Variants in MOXD1 observed in about 807,000 individuals in gnomAD.
MOXD1 encodes DBH-like monooxygenase protein 1.
MOXD1 carries 62 observed loss-of-function variants against 66.6 expected under a neutral mutation model. That is an observed-to-expected ratio of 0.93 (90% CI 0.76 to 1.15). MOXD1 has a LOEUF of 1.15. MOXD1 is among the 50% of genes most tolerant of loss of function. MOXD1 has a pLI of 0.00. For synonymous variants in MOXD1, 303 were observed against 281.9 expected, an observed-to-expected ratio of 1.07 and a Z score of -0.75; for missense variants, 847 against 754.6, an observed-to-expected ratio of 1.12 and a Z score of -1.44.
At chr6:132,366,393 T>C (rs1041398900) in intron 4 of MOXD1, among the ~76,000 whole-genome samples, 3 of 151,832 alleles carry the variant, frequency 2.0e-5, no homozygotes, top group Non-Finnish European at 4.4e-5. Context: ...GTCTCCCATA[T>C]GAAAAAGTGA....
At chr6:132,354,597 G>C (rs557060734) in intron 4 of MOXD1, among the ~76,000 whole-genome samples, 27 of 152,206 alleles carry the variant, frequency 1.8e-4, no homozygotes, top group Non-Finnish European at 3.7e-4. Flanking sequence ...TCTTACCTTT[G>C]GTGATTTAAA....
chr6:132,349,406 CAT>C (rs539329852), intron 4 of MOXD1, among the ~76,000 whole-genome samples: 48,991 of 71,888 alleles, frequency 0.68, 17,206 homozygotes, highest in South Asian at 0.77. Flanking sequence ...CATATATATA[CAT>C]ATATATATAT....
intron 11 of MOXD1, among the ~76,000 whole-genome samples, 200 bp from the exon 12 acceptor site, chr6:132,297,517 T>TACAAAGCAG (rs575739143): frequency 1.4e-3 from 217 of 152,230 alleles, no homozygotes; most frequent in African/African-American, 5.0e-3. Context: ...TGGAAAAGAA[T>TACAAAGCAG]ACAAAGCAGG....
chr6:132,305,305 G>A (rs992852924), intron 10 of MOXD1, among the ~76,000 whole-genome samples: 1 of 152,198 alleles, frequency 6.6e-6, no homozygotes, highest in Non-Finnish European at 1.5e-5. Flanking sequence ...TCACTGGGTG[G>A]GGCTTCCCTG....
At chr6:132,349,443 A>ACCACAGTTTCTT in intron 4 of MOXD1, among the ~76,000 whole-genome samples, 1 of 57,188 alleles carries the variant, frequency 1.7e-5, no homozygotes, top group African/African-American at 1.4e-4. Flanking sequence ...ATACATATAT[A>ACCACAGTTTCTT]TATATATACA....
At chr6:132,333,742 C>G (rs1582577812) in intron 4 of MOXD1, among the ~76,000 whole-genome samples, 1 of 152,136 alleles carries the variant, frequency 6.6e-6, no homozygotes, top group Non-Finnish European at 1.5e-5. Context: ...GGTGTACAGA[C>G]CCAGAATGGT....
At chr6:132,383,219 A>G (rs1459915059) in intron 1 of MOXD1, among the ~76,000 whole-genome samples, 1 of 152,224 alleles carries the variant, frequency 6.6e-6, no homozygotes, top group African/African-American at 2.4e-5. Flanking sequence ...GTATAATAAT[A>G]AATATTTTGT....
chr6:132,385,461 AATTATTATTATTATTATTATT>A (rs71030795), intron 1 of MOXD1, among the ~76,000 whole-genome samples: 6,148 of 133,574 alleles, frequency 0.046, 195 homozygotes, highest in South Asian at 0.081. Context: ...AATATACTGA[AATTATTATTATTATTATTATT>A]ATTATTATTA....
chr6:132,339,726 A>G (rs981319596), intron 4 of MOXD1, among the ~76,000 whole-genome samples: 1 of 150,458 alleles, frequency 6.6e-6, no homozygotes, highest in South Asian at 2.1e-4. Flanking sequence ...GCTAAAAGCT[A>G]TCCTCTCCTT....
chr6:132,385,149 G>A (rs1034971350), intron 1 of MOXD1, among the ~76,000 whole-genome samples: 5 of 152,196 alleles, frequency 3.3e-5, no homozygotes, highest in African/African-American at 1.2e-4. Flanking sequence ...AAGCTAACAA[G>A]AAGTGCCATT....
chr6:132,303,877 A>G (rs1665578726), intron 10 of MOXD1, among the ~76,000 whole-genome samples: 1 of 46,066 alleles, frequency 2.2e-5, no homozygotes, highest in East Asian at 7.5e-4. Flanking sequence ...ATATATATAT[A>G]TACATATATA....
chr6:132,315,670 C>G lies in MOXD1; in HGVS notation c.1473G>C (p.Gln491His). The G allele has an allele frequency of 6.2e-7, 1 of 1,613,412 alleles. No homozygotes were observed. Among genetic ancestry groups the G allele is most frequent in the Non-Finnish European group, 8.5e-7 (1 of 1,179,620 alleles). The change falls in exon 10 of 12, where the codon CAG (glutamine) becomes CAC (histidine). Residue 491 changes from glutamine to histidine, a missense_variant. Transcript: ENST00000367963. ...TGTAGATCTCCTTAACCCCAATGAA[C>G]TGAAGTTGTTCCATAATGTCTGGAA... is the stretch of plus-strand genomic sequence containing the variant. ...ASIPDIMEQL[Q>H]FIGVKEIYRP... is the part of the protein sequence containing the mutation.
intron 2 of MOXD1, among the ~76,000 whole-genome samples, 179 bp downstream of exon 2, chr6:132,374,452 T>A (rs1004477091): frequency 6.6e-6 from 1 of 151,032 alleles, no homozygotes; most frequent in Non-Finnish European, 1.5e-5. Flanking sequence ...GTCTTACACA[T>A]TTTTGGCTTC....
intron 4 of MOXD1, among the ~76,000 whole-genome samples, chr6:132,347,533 C>A (rs1163131571): frequency 6.6e-6 from 1 of 151,886 alleles, no homozygotes; most frequent in African/African-American, 2.4e-5. Context: ...AAAAATTAGC[C>A]AGGTGTGTTG....
At chr6:132,349,448 T>TAC (rs1327761679) in intron 4 of MOXD1, among the ~76,000 whole-genome samples, 1 of 54,748 alleles carries the variant, frequency 1.8e-5, no homozygotes, top group African/African-American at 1.7e-4. Context: ...TATATATATA[T>TAC]ATACATATAT....
chr6:132,380,186 C>T (rs952066894), intron 1 of MOXD1, among the ~76,000 whole-genome samples: 2 of 152,206 alleles, frequency 1.3e-5, no homozygotes, highest in Non-Finnish European at 2.9e-5. Context: ...CCACACTCCA[C>T]GTTTACATAC....
chr6:132,297,337 C>A lies in MOXD1; in HGVS notation c.1678-20G>T, dbSNP rs1393287550. The stretch of plus-strand genomic sequence containing the variant: ...TTGAATCTGAAAATGGAAGCACAAA[C>A]AATGCAAATGAACATCTGATTTAAG... On this transcript the variant is annotated intron_variant, in intron 11 of 11. Transcript: ENST00000367963. 2 of 1,610,004 alleles carry A rather than the reference C, an allele frequency of 1.2e-6. No homozygotes were observed. Among genetic ancestry groups the A allele is most frequent in the Non-Finnish European group, 1.7e-6 (2 of 1,177,698 alleles).
At chr6:132,353,103 A>G (rs1356572300) in intron 4 of MOXD1, among the ~76,000 whole-genome samples, 2 of 152,198 alleles carry the variant, frequency 1.3e-5, no homozygotes, top group African/African-American at 4.8e-5. Flanking sequence ...CTGCAGTTCT[A>G]TATCTTTTAA....
At chr6:132,348,616 T>G (rs1775715944) in intron 4 of MOXD1, among the ~76,000 whole-genome samples, 1 of 152,204 alleles carries the variant, frequency 6.6e-6, no homozygotes, top group African/African-American at 2.4e-5. Flanking sequence ...GATGTACATA[T>G]GAAGAAAACA....
Sources: gnomAD v4.1 joint callset for allele counts (sites outside exome capture counted in the v4.1 genomes callset) on GRCh38, gnomAD v4.1.1 for gene constraint, MANE v1.5 for transcripts, NCBI Gene and HGNC (gene_info 2026-07-23, HGNC 2026-07-21) for gene names.